Variants in RCC1L observed in about 807,000 individuals in gnomAD.
The protein encoded by RCC1L is RCC1 like.
Under a neutral mutation model 58.6 loss-of-function variants are expected in RCC1L, and 46 were observed. The observed-to-expected ratio is 0.79, with a 90% confidence interval of 0.62 to 1.00. The LOEUF is 1.00. Ranked by LOEUF, RCC1L falls within the 50% of genes least tolerant of loss-of-function variation. RCC1L has a pLI of 0.00. For synonymous variants in RCC1L, 281 were observed against 262.9 expected, an observed-to-expected ratio of 1.07 and a Z score of -0.67; for missense variants, 636 against 623.6, an observed-to-expected ratio of 1.02 and a Z score of -0.21.
intron 2 of RCC1L, among the ~76,000 whole-genome samples, chr7:75,069,283 C>T (rs1806635522): frequency 6.6e-6 from 1 of 152,168 alleles, no homozygotes; most frequent in Admixed American, 6.6e-5. Flanking sequence ...GCCTCAAACT[C>T]CTGGGCTCAA....
chr7:75,030,477 G>A (rs991807510), intron 10 of RCC1L, among the ~76,000 whole-genome samples: 7 of 152,192 alleles, frequency 4.6e-5, no homozygotes, highest in African/African-American at 9.7e-5. Flanking sequence ...TACTCTGGAG[G>A]GGGGCAAAGG....
In RCC1L at chr7:75,055,665, C is replaced by T. The variant is rs587632822; in HGVS notation, c.1231+236G>A. The T allele has an allele frequency of 2.2e-3, 1,228 of 567,654 alleles. 1 individual carries two copies. The highest frequency in any genetic ancestry group is 5.1e-3 in the Admixed American group (166 of 32,526). 35.2% of individuals were successfully genotyped at this position (567,654 alleles called of 1,614,324 possible). The stretch of plus-strand genomic sequence containing the variant: ...GCTCTCTTGAGAAAATGCACGTTCA[C>T]GTTAGCCTACCCACAAACCAAACGA... On this transcript the variant is annotated intron_variant, in intron 9 of 10. Coordinates refer to ENST00000610322, the MANE Select transcript of RCC1L (RefSeq NM_030798.5).
chr7:75,051,258 G>A (rs1295560186), intron 10 of RCC1L, among the ~76,000 whole-genome samples: 3 of 145,650 alleles, frequency 2.1e-5, no homozygotes, highest in African/African-American at 7.6e-5. Flanking sequence ...ATATGTGTGT[G>A]TGTATATATA....
chr7:75,052,678 A>G, intron 10 of RCC1L, 33 bp downstream of exon 10: 1 of 1,586,218 alleles, frequency 6.3e-7, no homozygotes, highest in Non-Finnish European at 8.6e-7. Context: ...TACTCTTAGC[A>G]TCCATTCTCA....
At chr7:75,063,418 C>A in intron 4 of RCC1L, 75 bp from the exon 5 acceptor site, 2 of 1,489,926 alleles carry the variant, frequency 1.3e-6, no homozygotes, top group Admixed American at 1.7e-5. Context: ...TTCCCTGTCA[C>A]CCCAACTGAT....
At chr7:75,038,783 C>T (rs1159216399), downstream of RCC1L, among the ~76,000 whole-genome samples, 10 of 152,066 alleles carry the variant, frequency 6.6e-5, no homozygotes, top group Admixed American at 5.9e-4. Flanking sequence ...AACATGGCTG[C>T]GTGGCAAGGG....
chr7:75,056,592 T>C (rs1806088676), intron 8 of RCC1L: 1 of 1,534,324 alleles, frequency 6.5e-7, no homozygotes, highest in Non-Finnish European at 8.7e-7. Context: ...TGTTCTCCCA[T>C]CTGCCTTTGA....
At chr7:75,068,320 C>CAAAAAA (rs67141856) in intron 2 of RCC1L, among the ~76,000 whole-genome samples, 1 of 114,452 alleles carries the variant, frequency 8.7e-6, no homozygotes, top group African/African-American at 3.4e-5. Context: ...AACTCTGACT[C>CAAAAAA]AAAAAAAAAA....
In RCC1L at chr7:75,073,727, A is replaced by C; in HGVS notation, c.11T>G (p.Val4Gly). The C allele has an allele frequency of 6.6e-7, 1 of 1,504,364 alleles. No individual in the cohort carries two copies. Among genetic ancestry groups the C allele is most frequent in the Non-Finnish European group, 8.8e-7 (1 of 1,133,494 alleles). The allele number at this position is 1,504,364 out of a possible 1,614,324, so 93.2% of individuals were successfully genotyped here. ...CAGCCGAGCCCCAGCCACCAACGCC[A>C]CCAGCGCCATCCTCCGTTCCGCGCC... is the stretch of plus-strand genomic sequence containing the variant. MAL[V>G]ALVAGARLGR... is the part of the protein sequence containing the mutation. Residue 4 changes from valine (V) to glycine (G), a missense_variant, in exon 1 of 11, where the codon GTG (valine) becomes GGG (glycine). Val to Gly is a moderately radical substitution (Grantham distance 109, BLOSUM62 -3). Coordinates refer to ENST00000610322, the MANE Select transcript of RCC1L (RefSeq NM_030798.5).
At chr7:75,047,267 T>G in intron 10 of RCC1L, among the ~76,000 whole-genome samples, 1 of 152,210 alleles carries the variant, frequency 6.6e-6, no homozygotes, top group East Asian at 1.9e-4. Context: ...GCTTTTGTAT[T>G]TTTAAATTTT....
chr7:75,055,829 A>G, intron 9 of RCC1L, 72 bp downstream of exon 9: 4 of 1,577,462 alleles, frequency 2.5e-6, no homozygotes, highest in South Asian at 1.1e-5. Context: ...AGCTGCCCGC[A>G]GTTTGGGGTT....
intron 4 of RCC1L, 133 bp downstream of exon 4, chr7:75,064,449 C>G: frequency 1.1e-6 from 1 of 936,620 alleles, no homozygotes; most frequent in Non-Finnish European, 1.7e-6. Flanking sequence ...ACTCCCCCAG[C>G]TTTCTGCTGA....
rs976908715 is a variant in RCC1L at position 75,043,851 on chromosome 7, A to G, written c.1318-742T>C. Among the ~76,000 whole-genome samples the G allele has an allele frequency of 6.2e-4, 95 of 152,248 alleles. 1 individual carries two copies. In the Middle Eastern group the frequency reaches 0.01, roughly 16 times the overall value. On this transcript the variant is annotated intron_variant, in intron 10 of 10. Transcript: ENST00000610322. ...CCAGAAACCCTGTCTCTTGCCTTGC[A>G]GGTCCAGTCTGGGAATCAGGCCCCA... is the stretch of plus-strand genomic sequence containing the variant.
chr7:75,060,281 G>A (rs1554444395), intron 6 of RCC1L, among the ~76,000 whole-genome samples: 2 of 152,216 alleles, frequency 1.3e-5, no homozygotes, highest in Non-Finnish European at 2.9e-5. Context: ...CACCTGCTGA[G>A]GAATAGGCCC....
intron 10 of RCC1L, among the ~76,000 whole-genome samples, chr7:75,049,454 A>C (rs2131983941): frequency 6.6e-6 from 1 of 151,868 alleles, no homozygotes; most frequent in Admixed American, 6.6e-5. Flanking sequence ...TGAGACCAGG[A>C]GGTTGAGATC....
chr7:75,054,980 A>C (rs1253209173), intron 9 of RCC1L, among the ~76,000 whole-genome samples: 1 of 152,218 alleles, frequency 6.6e-6, no homozygotes, highest in Non-Finnish European at 1.5e-5. Flanking sequence ...CCTGGAATTC[A>C]GACAATAAGT....
chr7:75,036,106 C>G (rs1174165157), intron 10 of RCC1L, among the ~76,000 whole-genome samples: 1 of 149,412 alleles, frequency 6.7e-6, no homozygotes, highest in African/African-American at 2.5e-5. Flanking sequence ...CAAGGAATCC[C>G]AAAGTCACTC....
intron 10 of RCC1L, among the ~76,000 whole-genome samples, chr7:75,045,454 C>G (rs1237593285): frequency 6.6e-6 from 1 of 151,940 alleles, no homozygotes; most frequent in African/African-American, 2.4e-5. Flanking sequence ...TGCTGGGATT[C>G]CAGGTGTGAT....
Position 75,058,763 on chromosome 7 carries a change from C to T in RCC1L, c.794G>A (p.Gly265Asp), listed in dbSNP as rs1039701725. ...GWGADGQTGLGHYNITSSPTK... is the reference protein window; with the variant it reads ...GWGADGQTGLDHYNITSSPTK... ...GGGCGAGCTGGTGATATTGTAGTGA[C>T]CCAGACCTAACACAGTGGAAAATAC... Residue 265 changes from glycine (G) to aspartate (D), a missense_variant, in exon 7 of 11, where the codon GGT becomes GAT. Physicochemically the swap from Gly to Asp is moderately conservative, Grantham distance 94. Transcript: ENST00000610322. The T allele has an allele frequency of 7.1e-5, 114 of 1,613,828 alleles. No homozygotes were observed. Among genetic ancestry groups the T allele is most frequent in the Non-Finnish European group, 9.2e-5 (108 of 1,179,860 alleles).
Sources: gnomAD v4.1 joint callset for allele counts (sites outside exome capture counted in the v4.1 genomes callset) on GRCh38, gnomAD v4.1.1 for gene constraint, MANE v1.5 for transcripts, NCBI Gene and HGNC (gene_info 2026-07-23, HGNC 2026-07-21) for gene names.